NR5A2: variants seen among roughly 807,000 people sequenced by gnomAD.
NR5A2 encodes the protein nuclear receptor subfamily 5 group A member 2.
Under a neutral mutation model 62.7 loss-of-function variants are expected in NR5A2, and 26 were observed. The observed-to-expected ratio is 0.41, with a 90% CI of 0.30 to 0.58. The LOEUF (loss-of-function observed/expected upper bound fraction) is 0.58, where lower values mean the gene tolerates loss of function less well. Ranked by LOEUF, NR5A2 falls within the 20% of genes least tolerant of loss-of-function variation. The pLI, the probability that NR5A2 is intolerant of heterozygous loss-of-function variation, is 0.22. For synonymous variants in NR5A2, 246 were observed against 241.7 expected, an observed-to-expected ratio of 1.02 and a Z score of -0.16; for missense variants, 541 against 669.1, an observed-to-expected ratio of 0.81 and a Z score of 2.11.
intron 6 of NR5A2, among the ~76,000 whole-genome samples, chr1:200,112,057 G>T (rs141514008): frequency 3.2e-3 from 480 of 151,218 alleles, no homozygotes; most frequent in African/African-American, 0.011. Flanking sequence ...TATGTTAAAG[G>T]TCAAAGTGCT....
intron 7 of NR5A2, among the ~76,000 whole-genome samples, chr1:200,163,192 A>T (rs546368534): frequency 3.9e-4 from 60 of 152,142 alleles, no homozygotes; most frequent in Non-Finnish European, 7.5e-4. Context: ...TTGCTGTTAT[A>T]AAACAATTCT....
intron 7 of NR5A2, among the ~76,000 whole-genome samples, chr1:200,128,309 C>T (rs1243848186): frequency 6.6e-6 from 1 of 152,176 alleles, no homozygotes; most frequent in Non-Finnish European, 1.5e-5. Flanking sequence ...CTGTGTTGTG[C>T]AAGGGTCAAC....
intron 5 of NR5A2, among the ~76,000 whole-genome samples, chr1:200,095,129 G>A (rs375731920): frequency 1.6e-4 from 24 of 147,994 alleles, no homozygotes; most frequent in Non-Finnish European, 1.6e-4. Context: ...TTAATAAAAA[G>A]AAAAAAAAAA....
chr1:200,153,704 A>G (rs1653240111), intron 7 of NR5A2, among the ~76,000 whole-genome samples: 1 of 152,156 alleles, frequency 6.6e-6, no homozygotes, highest in South Asian at 2.1e-4. Flanking sequence ...GGAATTGAAA[A>G]TGTACTAAGA....
intron 7 of NR5A2, among the ~76,000 whole-genome samples, chr1:200,139,493 T>G (rs1434171073): frequency 6.6e-6 from 1 of 152,236 alleles, no homozygotes; most frequent in Non-Finnish European, 1.5e-5. Flanking sequence ...ATTTTAGTAG[T>G]CTTCTTTTTA....
At chr1:200,081,682 G>T (rs1664298717) in intron 5 of NR5A2, among the ~76,000 whole-genome samples, 1 of 151,818 alleles carries the variant, frequency 6.6e-6, no homozygotes, top group South Asian at 2.1e-4. Context: ...GTCGCTTATT[G>T]TTGCAAAATT....
chr1:200,116,797 T>G (rs921979958), intron 6 of NR5A2, among the ~76,000 whole-genome samples: 1 of 152,222 alleles, frequency 6.6e-6, no homozygotes. Flanking sequence ...CTATCCAATA[T>G]TTTAAAAACT....
intron 7 of NR5A2, among the ~76,000 whole-genome samples, chr1:200,160,334 G>C (rs907915295): frequency 6.6e-6 from 1 of 152,106 alleles, no homozygotes; most frequent in Non-Finnish European, 1.5e-5. Flanking sequence ...TCCAGTCAAC[G>C]GTTTATTCTG....
chr1:200,094,738 T>G (rs544398795), intron 5 of NR5A2, among the ~76,000 whole-genome samples: 1 of 151,856 alleles, frequency 6.6e-6, no homozygotes, highest in East Asian at 2.0e-4. Context: ...TTCGCTGTGC[T>G]AGCCAGGATG....
intron 7 of NR5A2, among the ~76,000 whole-genome samples, chr1:200,121,862 T>C (rs183198650): frequency 4.6e-5 from 7 of 152,348 alleles, no homozygotes; most frequent in Admixed American, 2.6e-4. Flanking sequence ...TTCTAGGGAA[T>C]AAAACAATAA....
intron 2 of NR5A2, among the ~76,000 whole-genome samples, chr1:200,041,152 G>A (rs1011111936): frequency 6.6e-6 from 1 of 152,210 alleles, no homozygotes; most frequent in African/African-American, 2.4e-5. Flanking sequence ...CGCTGGGTGA[G>A]GCCGGCACGA....
At chr1:200,142,793 TTTAA>T (rs1205803652) in intron 7 of NR5A2, among the ~76,000 whole-genome samples, 1 of 152,188 alleles carries the variant, frequency 6.6e-6, no homozygotes, top group Non-Finnish European at 1.5e-5. Context: ...TTTTTTCCTT[TTTAA>T]TTAATCAATT....
chr1:200,090,750 T>C (rs528062377), intron 5 of NR5A2, among the ~76,000 whole-genome samples: 2 of 152,246 alleles, frequency 1.3e-5, no homozygotes, highest in South Asian at 4.2e-4. Context: ...CTCCTGGAGG[T>C]AGGGGGCATC....
chr1:200,125,724 C>T (rs2821336), intron 7 of NR5A2, among the ~76,000 whole-genome samples: 134,723 of 152,304 alleles, frequency 0.88, 59,608 homozygotes, highest in East Asian at 0.97. Context: ...TAAGCAAGTA[C>T]TATAATGTCT....
intron 6 of NR5A2, 114 bp downstream of exon 6, chr1:200,111,435 C>A: frequency 8.5e-7 from 1 of 1,174,098 alleles, no homozygotes; most frequent in Non-Finnish European, 1.2e-6. Context: ...GAGAGATTGG[C>A]TGCCAATAAT....
At chr1:200,042,701 G>C in intron 2 of NR5A2, 1 of 557,636 alleles carries the variant, frequency 1.8e-6, no homozygotes, top group Non-Finnish European at 2.3e-6. Flanking sequence ...CGGCTGCGCA[G>C]ACCTGCGGGT....
chr1:200,177,364 G>A lies in NR5A2; in HGVS notation c.*3154G>A, dbSNP rs568564974. On this transcript the variant is annotated 3_prime_UTR_variant, in exon 8 of 8. Transcript: ENST00000367362. ...CTTGCCAGGAACTTCTCAACAAAAT[G>A]GAATTTTTTTTTTCAGTATTTCAAT... 3 of 81,520 alleles carry A rather than the reference G, an allele frequency of 3.7e-5. 1 individual carries two copies. The South Asian group carries it at 1.3e-3, about 36-fold the overall frequency. 5.0% of individuals were successfully genotyped at this position (81,520 alleles called of 1,614,324 possible).
In NR5A2 at chr1:200,147,309, T is replaced by G. The variant is rs528134162; in HGVS notation, c.1378+26354T>G. 2.7e-3 allele frequency among the ~76,000 whole-genome samples: 406 copies of G among 152,342 alleles called. 6 individuals are homozygous for G. The highest frequency in any genetic ancestry group is 9.0e-4 in the Non-Finnish European group (61 of 68,026). ...TGCATCTGCTGTGCCAGGCGCCTAC[T>G]GTGCGCTCCTCTCCTCATCCAGCAA... On this transcript the variant is annotated intron_variant, in intron 7 of 7. Transcript: ENST00000367362. The surrounding 1 kb of genome is among the most constrained non-coding windows in gnomAD (Gnocchi z 4.9).
intron 5 of NR5A2, among the ~76,000 whole-genome samples, chr1:200,069,485 C>T (rs72739194): frequency 0.18 from 27,372 of 151,996 alleles, 2,588 homozygotes; most frequent in East Asian, 0.28. Flanking sequence ...AGTCTCAAAC[C>T]TCAAATGATC....
Sources: gnomAD v4.1 joint callset for allele counts (sites outside exome capture counted in the v4.1 genomes callset) on GRCh38, gnomAD v4.1.1 for gene constraint, Gnocchi (gnomAD v3.1) non-coding constraint, MANE v1.5 for transcripts, NCBI Gene and HGNC (gene_info 2026-07-23, HGNC 2026-07-21) for gene names.